CCDC148: variants seen among roughly 807,000 people sequenced by gnomAD.
The protein encoded by CCDC148 is coiled-coil domain-containing protein 148.
CCDC148 carries 89 observed loss-of-function variants against 85.7 expected under a neutral mutation model. The ratio of observed to expected loss-of-function variants is 1.04; its 90% CI spans 0.87 to 1.24. The LOEUF (loss-of-function observed/expected upper bound fraction) is 1.24, where lower values mean the gene tolerates loss of function less well. Ranked by LOEUF, CCDC148 falls within the 50% of genes most tolerant of loss-of-function variation. The pLI is 0.00. For synonymous variants in CCDC148, 230 were observed against 213.9 expected, an observed-to-expected ratio of 1.08 and a Z score of -0.66; for missense variants, 692 against 671.7, an observed-to-expected ratio of 1.03 and a Z score of -0.33.
intron 1 of CCDC148, among the ~76,000 whole-genome samples, chr2:158,411,542 A>G (rs1686258946): frequency 6.6e-6 from 1 of 151,762 alleles, no homozygotes; most frequent in Admixed American, 6.6e-5. Context: ...CTTCATTGTT[A>G]TTTCTATTCC....
intron 9 of CCDC148, among the ~76,000 whole-genome samples, chr2:158,301,834 G>A (rs909332943): frequency 6.6e-6 from 1 of 152,114 alleles, no homozygotes; most frequent in Non-Finnish European, 1.5e-5. Flanking sequence ...GACCTTAAGG[G>A]GTGGAGAAGA....
chr2:158,399,426 C>T (rs187570084), intron 1 of CCDC148, among the ~76,000 whole-genome samples: 4 of 152,252 alleles, frequency 2.6e-5, no homozygotes, highest in Admixed American at 2.6e-4. Context: ...AGCTTATCCA[C>T]CACGATCAAG....
chr2:158,421,671 T>C (rs1381461246), intron 1 of CCDC148, among the ~76,000 whole-genome samples: 5 of 151,790 alleles, frequency 3.3e-5, no homozygotes, highest in African/African-American at 7.3e-5. Context: ...ACATCACAAT[T>C]AAAAGAACTC....
intron 13 of CCDC148, among the ~76,000 whole-genome samples, chr2:158,172,603 T>C (rs2105254431): frequency 6.6e-6 from 1 of 152,238 alleles, no homozygotes; most frequent in South Asian, 2.1e-4. Context: ...AAAATACAGA[T>C]AATCATTGAT....
intron 1 of CCDC148, among the ~76,000 whole-genome samples, chr2:158,406,613 C>CTTTTTTTTTTT (rs61612452): frequency 3.2e-5 from 1 of 31,454 alleles, no homozygotes; most frequent in Non-Finnish European, 6.5e-5. Context: ...GATTAAATTT[C>CTTTTTTTTTTT]TTTTTTTTTT....
At chr2:158,276,038 T>C (rs1258204841) in intron 9 of CCDC148, among the ~76,000 whole-genome samples, 1 of 151,672 alleles carries the variant, frequency 6.6e-6, no homozygotes, top group African/African-American at 2.4e-5. Context: ...AGGATTAACA[T>C]GTAAAATGGT....
chr2:158,250,520 T>G (rs964396153), intron 10 of CCDC148, among the ~76,000 whole-genome samples: 1 of 151,686 alleles, frequency 6.6e-6, no homozygotes, highest in African/African-American at 2.4e-5. Context: ...CTTTTTTTTT[T>G]TTTTTAACCT....
At chr2:158,316,360 A>G (rs955947517) in intron 7 of CCDC148, among the ~76,000 whole-genome samples, 1 of 152,236 alleles carries the variant, frequency 6.6e-6, no homozygotes, top group African/African-American at 2.4e-5. Flanking sequence ...TGTATTAATT[A>G]GCTGCCATTT....
intron 11 of CCDC148, among the ~76,000 whole-genome samples, chr2:158,182,843 G>A (rs1445278162): frequency 1.3e-5 from 2 of 152,102 alleles, no homozygotes; most frequent in African/African-American, 4.8e-5. Flanking sequence ...AAAACTCCTG[G>A]GAGGAAGCCA....
chr2:158,295,475 A>G (rs185547805), intron 9 of CCDC148, among the ~76,000 whole-genome samples: 1,962 of 151,776 alleles, frequency 0.013, 6 homozygotes, highest in African/African-American at 0.044. Flanking sequence ...AAAATCCTCA[A>G]TAAAATACTG....
chr2:158,386,354 T>C (rs79224546), intron 1 of CCDC148, among the ~76,000 whole-genome samples: 10,861 of 152,226 alleles, frequency 0.071, 537 homozygotes, highest in South Asian at 0.12. Flanking sequence ...ATTTCTGAGA[T>C]TGTGTATTTA....
chr2:158,390,480 G>C (rs1685258481), intron 1 of CCDC148, among the ~76,000 whole-genome samples: 1 of 152,142 alleles, frequency 6.6e-6, no homozygotes, highest in African/African-American at 2.4e-5. Flanking sequence ...CAAATTAACT[G>C]TTGCAGCAGA....
chr2:158,427,558 C>A (rs1687132984), intron 1 of CCDC148, among the ~76,000 whole-genome samples: 1 of 151,968 alleles, frequency 6.6e-6, no homozygotes, highest in African/African-American at 2.4e-5. Context: ...ATTGCATATG[C>A]TGAGATACTA....
At chr2:158,320,708 A>G (rs1180334957) in intron 7 of CCDC148, among the ~76,000 whole-genome samples, 1 of 152,156 alleles carries the variant, frequency 6.6e-6, no homozygotes, top group Non-Finnish European at 1.5e-5. Context: ...ATTTTCTTCA[A>G]TCATATTTAT....
intron 1 of CCDC148, chr2:158,393,359 A>G (rs1685395992): frequency 2.0e-5 from 3 of 152,218 alleles, no homozygotes; most frequent in African/African-American, 7.2e-5. Flanking sequence ...CTACTGGAGC[A>G]CAAAAGGCAG....
At chr2:158,453,337 G>A (rs1688479040) in intron 1 of CCDC148, among the ~76,000 whole-genome samples, 1 of 152,174 alleles carries the variant, frequency 6.6e-6, no homozygotes, top group African/African-American at 2.4e-5. Flanking sequence ...GTAATCATTA[G>A]GCAGAGCCAT....
intron 1 of CCDC148, among the ~76,000 whole-genome samples, chr2:158,433,782 C>A (rs182261848): frequency 4.8e-4 from 73 of 152,182 alleles, no homozygotes; most frequent in Non-Finnish European, 9.3e-4. Context: ...CCTAATACTG[C>A]GCTTTTCCAA....
At chr2:158,237,113 G>A (rs148321109) in intron 10 of CCDC148, among the ~76,000 whole-genome samples, 1 of 152,250 alleles carries the variant, frequency 6.6e-6, no homozygotes, top group East Asian at 1.9e-4. Flanking sequence ...TGAGCAAAAG[G>A]CTGAGAGGAC....
chr2:158,332,329 T>A (rs1384166260), intron 7 of CCDC148, among the ~76,000 whole-genome samples: 4 of 151,260 alleles, frequency 2.6e-5, no homozygotes, highest in Non-Finnish European at 4.4e-5. Context: ...ATGTGGAATA[T>A]TGGCCCCCAC....
Sources: gnomAD v4.1 joint callset for allele counts (sites outside exome capture counted in the v4.1 genomes callset) on GRCh38, gnomAD v4.1.1 for gene constraint, MANE v1.5 for transcripts, NCBI Gene and HGNC (gene_info 2026-07-23, HGNC 2026-07-21) for gene names.